Variants in NAV3 observed in about 807,000 individuals in gnomAD.
NAV3 encodes neuron navigator 3.
In NAV3, 87 loss-of-function variants were observed where a neutral mutation model predicts 244.7. That is an observed-to-expected ratio of 0.36 (90% confidence interval 0.30 to 0.42). The LOEUF (loss-of-function observed/expected upper bound fraction) is 0.42. Ranked by LOEUF, NAV3 falls within the 20% of genes least tolerant of loss-of-function variation. NAV3 has a pLI of 1.00. For synonymous variants in NAV3, 1,126 were observed against 1,042.2 expected (o/e 1.08, Z -1.55); for missense variants, 2,663 against 2,893.3 (o/e 0.92, Z 1.83).
chr12:78,097,804 C>T (rs562077678), intron 12 of NAV3, among the ~76,000 whole-genome samples: 18 of 152,188 alleles, frequency 1.2e-4, no homozygotes, highest in African/African-American at 3.4e-4. Context: ...AGTTGTTGAG[C>T]TTTATCTAAG....
At chr12:77,975,065 C>T (rs1410181268) in intron 5 of NAV3, among the ~76,000 whole-genome samples, 1 of 152,070 alleles carries the variant, frequency 6.6e-6, no homozygotes, top group Non-Finnish European at 1.5e-5. Context: ...AATAATATTT[C>T]CAATAAAATA....
chr12:77,705,906 T>A (rs1485452751), intron 2 of NAV3, among the ~76,000 whole-genome samples: 1 of 151,514 alleles, frequency 6.6e-6, no homozygotes, highest in Non-Finnish European at 1.5e-5. Flanking sequence ...TTATTTCTGA[T>A]TGCAAGTTGC....
At chr12:77,779,728 C>A (rs769074756) in intron 2 of NAV3, among the ~76,000 whole-genome samples, 7 of 152,142 alleles carry the variant, frequency 4.6e-5, no homozygotes, top group Admixed American at 6.6e-5. Context: ...GTCATCCCAC[C>A]CAGCTTCTTC....
intron 1 of NAV3, among the ~76,000 whole-genome samples, chr12:77,880,102 A>C (rs533159404): frequency 6.6e-6 from 1 of 152,316 alleles, no homozygotes; most frequent in Admixed American, 6.5e-5. Flanking sequence ...TTCATGCTTC[A>C]ACAATAGGTG....
chr12:78,039,963 C>G (rs546213305), intron 9 of NAV3, among the ~76,000 whole-genome samples: 1 of 152,072 alleles, frequency 6.6e-6, no homozygotes, highest in Non-Finnish European at 1.5e-5. Context: ...CAGGAGGAGA[C>G]ACAACATTGC....
rs1261455934 is a variant in NAV3 at position 78,118,021 on chromosome 12, T to TTA, written c.2770-3_2770-2dup. On this transcript the variant is annotated splice_polypyrimidine_tract_variant and splice_region_variant and intron_variant, in intron 13 of 39. Transcript: ENST00000397909. ...TAAAGTTTTTCTGTAATATTTGTCT[T>TTA]TATAGCTGAGGACAGATTCAGAGAA... The TTA allele has an allele frequency of 1.3e-6, 2 of 1,577,274 alleles. No homozygotes were observed. Among genetic ancestry groups the TTA allele is most frequent in the East Asian group, 4.5e-5 (2 of 44,352 alleles).
At position 78,116,844 on chromosome 12, in the gene NAV3, C is replaced by A; in HGVS notation, c.2709C>A (p.Asn903Lys). Reference sequence around the variant, plus strand: ...ATAACATCAGCACTGATGACCTGAACACCACATCCTCTGTCAGCTCTTACT... The same window carrying A: ...ATAACATCAGCACTGATGACCTGAAAACCACATCCTCTGTCAGCTCTTACT... ...TLDNISTDDL[N>K]TTSSVSSYSN... Residue 903 changes from asparagine to lysine, a missense_variant, in exon 13 of 40, where the codon AAC becomes AAA. By Grantham distance (94) the Asn-to-Lys change is moderately conservative. This residue lies in a region of NAV3 where 1,521 missense variants were observed against 1,497.0 expected (regional missense o/e 1.02). Coordinates refer to ENST00000397909, the MANE Select transcript of NAV3 (RefSeq NM_001024383.2). The A allele has an allele frequency of 6.2e-7, 1 of 1,613,620 alleles. No individual in the cohort carries two copies.
chr12:77,602,627 G>A (rs945507800), intron 2 of NAV3, among the ~76,000 whole-genome samples: 5 of 151,794 alleles, frequency 3.3e-5, no homozygotes, highest in South Asian at 2.1e-4. Context: ...GAGAGCAGAG[G>A]GGGAGATGGG....
intron 2 of NAV3, among the ~76,000 whole-genome samples, chr12:77,643,021 T>A (rs943368663): frequency 6.6e-6 from 1 of 152,046 alleles, no homozygotes; most frequent in African/African-American, 2.4e-5. Context: ...CCATTAAGTT[T>A]CATGTCACTT....
intron 5 of NAV3, among the ~76,000 whole-genome samples, chr12:77,976,153 G>T (rs11107634): frequency 6.6e-6 from 1 of 151,894 alleles, no homozygotes; most frequent in Non-Finnish European, 1.5e-5. Flanking sequence ...GGAAAGGTTT[G>T]GTAGGGAGAA....
At chr12:77,618,333 T>C (rs1290814902) in intron 2 of NAV3, among the ~76,000 whole-genome samples, 1 of 152,316 alleles carries the variant, frequency 6.6e-6, no homozygotes, top group East Asian at 1.9e-4. Context: ...TGAGCAATAG[T>C]CAACTATACA....
chr12:78,077,736 G>A (rs963407929), intron 12 of NAV3, among the ~76,000 whole-genome samples: 8 of 152,046 alleles, frequency 5.3e-5, no homozygotes, highest in Non-Finnish European at 1.2e-4. Flanking sequence ...TCAGGAGTTC[G>A]AGACCAGCCT....
chr12:77,751,618 C>T (rs1868859486), intron 2 of NAV3, among the ~76,000 whole-genome samples: 1 of 152,156 alleles, frequency 6.6e-6, no homozygotes, highest in Admixed American at 6.5e-5. Flanking sequence ...CTGAGGCCCC[C>T]CCAGCCATGC....
At chr12:78,154,176 C>T (rs1957185810) in intron 22 of NAV3, among the ~76,000 whole-genome samples, 4 of 123,442 alleles carry the variant, frequency 3.2e-5, no homozygotes, top group Non-Finnish European at 5.1e-5. Context: ...TCATAACATA[C>T]ATATATAAAA....
At chr12:77,615,871 A>G (rs1461456914) in intron 2 of NAV3, among the ~76,000 whole-genome samples, 1 of 152,098 alleles carries the variant, frequency 6.6e-6, no homozygotes, top group Non-Finnish European at 1.5e-5. Context: ...ATTTCATTTC[A>G]ACATCATCTC....
At chr12:77,815,278 A>G (rs1872484044) in intron 2 of NAV3, among the ~76,000 whole-genome samples, 1 of 152,162 alleles carries the variant, frequency 6.6e-6, no homozygotes, top group South Asian at 2.1e-4. Flanking sequence ...TTTATATTGA[A>G]GCACATGAGG....
Position 77,831,638 on chromosome 12 carries a change from A to C in NAV3, c.177A>C (p.Lys59Asn). Residue 59 changes from lysine to asparagine, a missense_variant, in exon 1 of 40, where the codon AAA (lysine) becomes AAC (asparagine). Physicochemically the swap from Lys to Asn is moderately conservative, Grantham distance 94. Around this residue, in one of 6 missense-constraint regions of NAV3, gnomAD observed 1,521 missense variants for 1,497.0 expected, o/e 1.02. Coordinates refer to ENST00000397909, the MANE Select transcript of NAV3 (RefSeq NM_001024383.2). Reference sequence around the variant, plus strand: ...TGCTTTCTTGTCAGCTTGCGTTAAAATCAACCTGTGAATTTGGAGAGAAGA... The same window carrying C: ...TGCTTTCTTGTCAGCTTGCGTTAAACTCAACCTGTGAATTTGGAGAGAAGA... ...SSMLSCQLAL[K>N]STCEFGEKKP... is the part of the protein sequence containing the mutation. 1.2e-6 allele frequency: 2 copies of C among 1,614,066 alleles called. No homozygotes were observed. Among genetic ancestry groups the C allele is most frequent in the Non-Finnish European group, 1.7e-6 (2 of 1,179,954 alleles).
At chr12:78,008,767 A>T (rs1874701242) in intron 8 of NAV3, among the ~76,000 whole-genome samples, 1 of 152,188 alleles carries the variant, frequency 6.6e-6, no homozygotes, top group Non-Finnish European at 1.5e-5. Flanking sequence ...TTACAATTGA[A>T]TGTTGCTATT....
At chr12:78,164,539 T>TA (rs1957699460) in intron 23 of NAV3, among the ~76,000 whole-genome samples, 1 of 152,222 alleles carries the variant, frequency 6.6e-6, no homozygotes, top group African/African-American at 2.4e-5. Context: ...GAAGTGTTTT[T>TA]AAAAAATATA....
Sources: gnomAD v4.1 joint callset for allele counts (sites outside exome capture counted in the v4.1 genomes callset) on GRCh38, gnomAD v4.1.1 for gene constraint, gnomAD v4.1.1 regional missense constraint, MANE v1.5 for transcripts, NCBI Gene and HGNC (gene_info 2026-07-23, HGNC 2026-07-21) for gene names.